The following DCTN1 variants were observed in gnomAD, a reference collection of about 807,000 sequenced individuals.
The protein encoded by DCTN1 is 150 kDa dynein-associated polypeptide.
DCTN1 carries 61 observed loss-of-function variants against 161.2 expected under a neutral mutation model. The ratio of observed to expected loss-of-function variants is 0.38; its 90% CI spans 0.31 to 0.47. The LOEUF is 0.47. Ranked by LOEUF, DCTN1 falls within the 20% of genes least tolerant of loss-of-function variation. The pLI, the probability that DCTN1 is intolerant of heterozygous loss-of-function variation, is 0.99. For synonymous variants in DCTN1, 653 were observed against 632.4 expected, an observed-to-expected ratio of 1.03 and a Z score of -0.49; for missense variants, 1,404 against 1,623.7, an observed-to-expected ratio of 0.86 and a Z score of 2.33.
chr2:74,366,054 G>A (rs1674384033), intron 23 of DCTN1, 36 bp from the exon 24 acceptor site: 3 of 1,614,084 alleles, frequency 1.9e-6, no homozygotes, highest in Non-Finnish European at 1.7e-6. Flanking sequence ...GAAAGTGAGG[G>A]TGGAGAGAAG....
Position 74,366,905 on chromosome 2 carries a change from G to C in DCTN1, c.2344C>G (p.Leu782Val), listed in dbSNP as rs2104417734. ...GAAGTTTCCAGATCCCGGAGCAGGA[G>C]GGCAATATCTGTAGCCTCCTGCCCA... ...QGGQEATDIA[L>V]LLRDLETSCS... The change falls in exon 21 of 32, where the codon CTC becomes GTC. Residue 782 changes from leucine to valine, a missense_variant. Around this residue, in one of 9 missense-constraint regions of DCTN1, gnomAD observed 475 missense variants for 489.8 expected, o/e 0.97. Coordinates refer to ENST00000628224, the MANE Select transcript of DCTN1 (RefSeq NM_004082.5). 1 of 1,614,224 alleles carries C rather than the reference G, an allele frequency of 6.2e-7. No homozygotes were observed. The highest frequency in any genetic ancestry group is 8.5e-7 in the Non-Finnish European group (1 of 1,180,038).
In DCTN1 at chr2:74,366,536, G is replaced by C. The variant is rs72659379; in HGVS notation, c.2551C>G (p.Leu851Val). The C allele has an allele frequency of 1.6e-4, 262 of 1,614,118 alleles. No homozygotes were observed. Among genetic ancestry groups the C allele is most frequent in the Non-Finnish European group, 2.1e-4 (248 of 1,180,000 alleles). Residue 851 changes from leucine (L) to valine (V), a missense_variant, in exon 22 of 32, where the codon CTC becomes GTC. Leu to Val is a conservative substitution (Grantham distance 32). Around this residue, in one of 9 missense-constraint regions of DCTN1, gnomAD observed 475 missense variants for 489.8 expected, o/e 0.97. Transcript: ENST00000628224. ...LQEVAAAAAQ[L>V]IAPLAENEGL... ...TCATTCTCTGCCAGTGGGGCAATGA[G>C]CTGGGCAGCAGCAGCTGCCACCTCC...
chr2:74,390,251 C>A (rs1336926067), intron 1 of DCTN1, among the ~76,000 whole-genome samples: 1 of 152,232 alleles, frequency 6.6e-6, no homozygotes, highest in Non-Finnish European at 1.5e-5. Context: ...CAGCTGTCAT[C>A]TAATACTTGG....
At chr2:74,380,407 T>C (rs545410747), upstream of DCTN1, 1 of 502,518 alleles carries the variant, frequency 2.0e-6, no homozygotes, top group South Asian at 1.6e-5. Context: ...GGGCTGGGCA[T>C]ACGCCACAGA....
chr2:74,362,422 G>A (rs2104391738), intron 30 of DCTN1, among the ~76,000 whole-genome samples: 1 of 152,290 alleles, frequency 6.6e-6, no homozygotes, highest in South Asian at 2.1e-4. Flanking sequence ...GGAAGCTAAA[G>A]CCTGAACCAG....
In DCTN1 at chr2:74,366,991, G is replaced by A. The variant is rs183187346; in HGVS notation, c.2316+54C>T. On this transcript the variant is annotated intron_variant, in intron 20 of 31. Transcript: ENST00000628224. ...AGTTAGCATTAAGGCTCGGAGTAAG[G>A]AAGTGAGGACTAAGAAAGAAGAGGA... 1.7e-5 allele frequency: 28 copies of A among 1,614,172 alleles called. No homozygotes were observed. In the African/African-American group the frequency reaches 3.5e-4, roughly 20 times the overall value.
At position 74,370,149 on chromosome 2, in the gene DCTN1, G is replaced by A; in HGVS notation, c.1287+37C>T. ...AGGCATCAACTGATAGGAGAGTCAG[G>A]TGGGGGATTCTGGGTGAGGGGCTGG... On this transcript the variant is annotated intron_variant, in intron 12 of 31. Coordinates refer to ENST00000628224, the MANE Select transcript of DCTN1 (RefSeq NM_004082.5). The surrounding 1 kb of genome is among the most constrained non-coding windows in gnomAD (Gnocchi z 4.4). The A allele has an allele frequency of 1.2e-6, 2 of 1,613,826 alleles. No individual in the cohort carries two copies. The highest frequency in any genetic ancestry group is 2.2e-5 in the South Asian group (2 of 91,086).
rs1382173613 is a variant in DCTN1, at chr2:74,369,272, G to T, written c.1584+28C>A. 6.2e-7 allele frequency: 1 copy of T among 1,614,194 alleles called. No homozygotes were observed. The highest frequency in any genetic ancestry group is 2.2e-5 in the East Asian group (1 of 44,884). On this transcript the variant is annotated intron_variant, in intron 14 of 31. Transcript: ENST00000628224. This position sits in a 1 kb window ranked among gnomAD's most constrained non-coding sequence, Gnocchi z 4.9. Reference sequence around the variant, plus strand: ...CATAAGGAAGCCCTGGGGTGATGGTGGGCAGAGAGCAAACAGTGGGCATGT... The same window carrying T: ...CATAAGGAAGCCCTGGGGTGATGGTTGGCAGAGAGCAAACAGTGGGCATGT...
intron 18 of DCTN1, 107 bp from the exon 19 acceptor site, chr2:74,367,527 G>T: frequency 1.3e-6 from 2 of 1,499,982 alleles, no homozygotes; most frequent in South Asian, 1.2e-5. Flanking sequence ...GGAGGTACAA[G>T]AGAATCCAAA....
At chr2:74,371,402 T>C (rs1674835285) in intron 8 of DCTN1, 135 bp downstream of exon 8, 2 of 1,244,284 alleles carry the variant, frequency 1.6e-6, no homozygotes, top group Non-Finnish European at 2.2e-6. Context: ...TAGCAAGATA[T>C]CCATAGGCTA....
chr2:74,374,485 A>G (rs1027308663), intron 5 of DCTN1, 145 bp from the exon 6 acceptor site: 45 of 1,516,468 alleles, frequency 3.0e-5, no homozygotes, highest in Non-Finnish European at 3.9e-5. Context: ...GAGACAGGAG[A>G]TTAGTGCATC....
chr2:74,377,878 C>T, intron 2 of DCTN1, 122 bp downstream of exon 2: 1 of 1,499,948 alleles, frequency 6.7e-7, no homozygotes, highest in East Asian at 2.3e-5. Flanking sequence ...TCCCCCACTA[C>T]CTTCCACTCT....
chr2:74,365,057 C>T lies in DCTN1; in HGVS notation c.3196+18G>A. 6.2e-7 allele frequency: 1 copy of T among 1,614,008 alleles called. No individual in the cohort carries two copies. The highest frequency in any genetic ancestry group is 8.5e-7 in the Non-Finnish European group (1 of 1,179,960). ...ACAATCTCCTCTGTGCTAGTGCTGC[C>T]TATTCCACAGTACTCACCACCAGCA... On this transcript the variant is annotated intron_variant, in intron 26 of 31. Coordinates refer to ENST00000628224, the MANE Select transcript of DCTN1 (RefSeq NM_004082.5).
chr2:74,388,876 G>A (rs1343098821), intron 1 of DCTN1, among the ~76,000 whole-genome samples: 1 of 152,030 alleles, frequency 6.6e-6, no homozygotes, highest in Non-Finnish European at 1.5e-5. Context: ...CCACCACTGG[G>A]GAAATCACCA....
chr2:74,369,268 T>C lies in DCTN1; in HGVS notation c.1584+32A>G, dbSNP rs770905360. On this transcript the variant is annotated intron_variant, in intron 14 of 31. Coordinates refer to ENST00000628224, the MANE Select transcript of DCTN1 (RefSeq NM_004082.5). This position sits in a 1 kb window ranked among gnomAD's most constrained non-coding sequence, Gnocchi z 4.9. ...GGGTCATAAGGAAGCCCTGGGGTGA[T>C]GGTGGGCAGAGAGCAAACAGTGGGC... The C allele has an allele frequency of 5.0e-6, 8 of 1,613,882 alleles. No homozygotes were observed. The highest frequency in any genetic ancestry group is 4.5e-5 in the East Asian group (2 of 44,890).
chr2:74,372,841 T>C, intron 7 of DCTN1, 87 bp downstream of exon 7: 1 of 1,347,984 alleles, frequency 7.4e-7, no homozygotes, highest in Non-Finnish European at 1.1e-6. Flanking sequence ...AACTTTCACT[T>C]GCTCATACAC....
At chr2:74,382,795 G>C (rs1258560612), upstream of DCTN1, among the ~76,000 whole-genome samples, 1 of 152,012 alleles carries the variant, frequency 6.6e-6, no homozygotes, top group Non-Finnish European at 1.5e-5. Context: ...TGTGGAGGCC[G>C]GGCGCGGTGG....
upstream of DCTN1, among the ~76,000 whole-genome samples, chr2:74,382,857 G>A (rs1224813526): frequency 2.6e-5 from 4 of 151,600 alleles, no homozygotes; most frequent in African/African-American, 4.8e-5. Context: ...TGGATCATGA[G>A]GTCAGGAGAT....
intron 1 of DCTN1, among the ~76,000 whole-genome samples, chr2:74,378,615 TC>T (rs1558949476): frequency 1.3e-5 from 2 of 152,152 alleles, no homozygotes; most frequent in Non-Finnish European, 2.9e-5. Flanking sequence ...TAGACCAGGC[TC>T]CCCACAACCC....
Sources: gnomAD v4.1 joint callset for allele counts (sites outside exome capture counted in the v4.1 genomes callset) on GRCh38, gnomAD v4.1.1 for gene constraint, gnomAD v4.1.1 regional missense constraint, Gnocchi (gnomAD v3.1) non-coding constraint, MANE v1.5 for transcripts, NCBI Gene and HGNC (gene_info 2026-07-23, HGNC 2026-07-21) for gene names.